The following LARS2 variants were observed in gnomAD, a reference collection of about 807,000 sequenced individuals.
LARS2 encodes leucyl-tRNA synthetase 2, mitochondrial.
A neutral mutation model predicts 116.6 loss-of-function variants in LARS2; 81 were observed. The observed-to-expected ratio is 0.69, with a 90% CI of 0.58 to 0.84. The LOEUF is 0.84. Ranked by LOEUF, LARS2 falls within the 40% of genes least tolerant of loss-of-function variation. The probability of loss-of-function intolerance (pLI) is 0.00; values close to 1 mark genes in which losing one functional copy is unlikely to be tolerated. For missense variants in LARS2, 968 were observed against 1,114.5 expected (o/e 0.87, Z 1.87); for synonymous variants, 396 against 407.2 (o/e 0.97, Z 0.33).
intron 21 of LARS2, among the ~76,000 whole-genome samples, chr3:45,544,282 C>T (rs1215466876): frequency 6.6e-6 from 1 of 152,262 alleles, no homozygotes; most frequent in African/African-American, 2.4e-5. Flanking sequence ...TGAGCTGTCA[C>T]ACACAGTTTA....
intron 8 of LARS2, among the ~76,000 whole-genome samples, chr3:45,473,117 T>A (rs1197599487): frequency 6.6e-6 from 1 of 152,172 alleles, no homozygotes; most frequent in Non-Finnish European, 1.5e-5. Context: ...GCCATAGAGA[T>A]CACAGGCCAA....
At chr3:45,509,022 C>G (rs959632177) in intron 15 of LARS2, among the ~76,000 whole-genome samples, 1 of 151,492 alleles carries the variant, frequency 6.6e-6, no homozygotes, top group Non-Finnish European at 1.5e-5. Context: ...GATCTCCCCC[C>G]AGTTTTCATC....
intron 7 of LARS2, among the ~76,000 whole-genome samples, chr3:45,456,498 A>G (rs1699215448): frequency 1.3e-5 from 2 of 152,154 alleles, no homozygotes; most frequent in South Asian, 4.1e-4. Context: ...CAGGAGAATC[A>G]CTTGAACCCA....
intron 20 of LARS2, among the ~76,000 whole-genome samples, chr3:45,526,754 G>A (rs944563441): frequency 3.3e-5 from 5 of 152,042 alleles, no homozygotes; most frequent in Admixed American, 6.6e-5. Flanking sequence ...TCCTCTCCCA[G>A]TGGACAAACA....
At chr3:45,499,675 T>A (rs1700087077) in intron 14 of LARS2, among the ~76,000 whole-genome samples, 1 of 152,138 alleles carries the variant, frequency 6.6e-6, no homozygotes, top group Non-Finnish European at 1.5e-5. Context: ...TAAATAAACA[T>A]TTAGTATCTG....
intron 4 of LARS2, among the ~76,000 whole-genome samples, chr3:45,415,920 G>A (rs1271855342): frequency 4.0e-5 from 6 of 148,674 alleles, no homozygotes; most frequent in Admixed American, 4.0e-4. Context: ...GAGAGAGAGA[G>A]AGAGGCTATT....
chr3:45,476,602 G>A lies in LARS2; in HGVS notation c.993G>A (p.Leu331=), dbSNP rs775026399. 6.2e-7 allele frequency: 1 copy of A among 1,614,174 alleles called. No homozygotes were observed. The highest frequency in any genetic ancestry group is 2.2e-5 in the East Asian group (1 of 44,884). The change falls in exon 10 of 22, where the codon TTG becomes TTA. Residue 331 remains leucine, a synonymous_variant. Transcript: ENST00000645846. ...LHGHSSLKEA[L]RMALVPGKDC... is the part of the protein sequence containing the mutation. Reference sequence around the variant, plus strand: ...GGCACAGCTCTCTGAAGGAAGCCTTGAGGATGGCCCTTGTCCCTGGCAAAG... The same window carrying A: ...GGCACAGCTCTCTGAAGGAAGCCTTAAGGATGGCCCTTGTCCCTGGCAAAG...
intron 4 of LARS2, among the ~76,000 whole-genome samples, chr3:45,401,025 A>G (rs1411443203): frequency 6.6e-6 from 1 of 152,082 alleles, no homozygotes; most frequent in Admixed American, 6.5e-5. Context: ...GTTAGCCAGG[A>G]TGGTCTTGAT....
chr3:45,546,059 C>G (rs1385619063), intron 21 of LARS2, among the ~76,000 whole-genome samples: 1 of 152,186 alleles, frequency 6.6e-6, no homozygotes, highest in African/African-American at 2.4e-5. Flanking sequence ...CATGCTCCCC[C>G]TCACCCAGCA....
chr3:45,464,341 A>G (rs577109830), intron 8 of LARS2, among the ~76,000 whole-genome samples: 184 of 152,084 alleles, frequency 1.2e-3, no homozygotes, highest in Middle Eastern at 3.4e-3. Context: ...AGTCATCTGG[A>G]CTCTGGAATG....
intron 10 of LARS2, among the ~76,000 whole-genome samples, chr3:45,477,172 G>A (rs114326361): frequency 9.5e-4 from 145 of 152,326 alleles, no homozygotes; most frequent in African/African-American, 3.2e-3. Flanking sequence ...GGCATATCAA[G>A]TTGTACTTGG....
At chr3:45,431,491 A>G (rs1698714208) in intron 6 of LARS2, among the ~76,000 whole-genome samples, 1 of 152,250 alleles carries the variant, frequency 6.6e-6, no homozygotes. Context: ...TACACAGTGT[A>G]TAAAGATGTA....
chr3:45,437,845 A>G (rs1465722431), intron 6 of LARS2, among the ~76,000 whole-genome samples: 1 of 99,382 alleles, frequency 1.0e-5, no homozygotes, highest in East Asian at 4.6e-4. Context: ...ATCGGTGGGG[A>G]GAAAAAGACA....
At chr3:45,415,913 A>G (rs1698413352) in intron 4 of LARS2, among the ~76,000 whole-genome samples, 1 of 149,524 alleles carries the variant, frequency 6.7e-6, no homozygotes, top group African/African-American at 2.5e-5. Context: ...AGAGAGAGAG[A>G]GAGAGAGAGA....
intron 14 of LARS2, among the ~76,000 whole-genome samples, chr3:45,498,428 G>A (rs772418975): frequency 1.3e-5 from 2 of 152,018 alleles, no homozygotes; most frequent in African/African-American, 2.4e-5. Context: ...CTTTTCTGTC[G>A]CCTGGATTGG....
chr3:45,472,032 A>G (rs563835391), intron 8 of LARS2, among the ~76,000 whole-genome samples: 131 of 152,358 alleles, frequency 8.6e-4, no homozygotes, highest in African/African-American at 3.1e-3. Context: ...TGCAAACAAC[A>G]TAAAGTTACT....
chr3:45,435,136 C>T (rs1698777858), intron 6 of LARS2, among the ~76,000 whole-genome samples: 1 of 152,204 alleles, frequency 6.6e-6, no homozygotes, highest in African/African-American at 2.4e-5. Context: ...AGGGACTCCG[C>T]TGACACCATG....
chr3:45,470,952 T>C (rs1466566428), intron 8 of LARS2, among the ~76,000 whole-genome samples: 1 of 145,026 alleles, frequency 6.9e-6, no homozygotes. Context: ...TTGGCCAGTA[T>C]ATGGAAGAGG....
At chr3:45,543,179 CA>C (rs1700822806) in intron 21 of LARS2, among the ~76,000 whole-genome samples, 7 of 152,252 alleles carry the variant, frequency 4.6e-5, no homozygotes, top group Admixed American at 4.6e-4. Flanking sequence ...GGTGCCCTGG[CA>C]GGCTTCTTCC....
Sources: gnomAD v4.1 joint callset for allele counts (sites outside exome capture counted in the v4.1 genomes callset) on GRCh38, gnomAD v4.1.1 for gene constraint, MANE v1.5 for transcripts, NCBI Gene and HGNC (gene_info 2026-07-23, HGNC 2026-07-21) for gene names.